Variants in RLIG1 observed in about 807,000 individuals in gnomAD.
The protein encoded by RLIG1 is RNA ligase 1.
chr12:88,039,098 G>A, the RLIG1 span, among the ~76,000 whole-genome samples: 36 of 152,218 alleles, frequency 2.4e-4, no homozygotes, highest in Admixed American at 8.5e-4. Context: ...GGGTGATGAC[G>A]TGGGTGATTC....
chr12:88,044,639 C>G, the RLIG1 span: 2 of 152,122 alleles, frequency 1.3e-5, no homozygotes, highest in African/African-American at 2.4e-5. Context: ...ATTCCTCATT[C>G]AGCTTGTGGT....
the RLIG1 span, chr12:88,045,482 A>G: frequency 4.7e-6 from 4 of 846,434 alleles, no homozygotes; most frequent in Admixed American, 2.9e-5. Flanking sequence ...ATAGACACCC[A>G]GAAAACATGA....
chr12:88,036,457 C>G, the RLIG1 span, among the ~76,000 whole-genome samples: 1 of 152,224 alleles, frequency 6.6e-6, no homozygotes, highest in Admixed American at 6.5e-5. Context: ...TGGAAATCCA[C>G]CTCACTTGAG....
the RLIG1 span, chr12:88,050,159 T>C: frequency 6.5e-6 from 3 of 464,442 alleles, no homozygotes; most frequent in Non-Finnish European, 1.1e-5. Context: ...TACTTAATCC[T>C]ATGTTGAGTC....
chr12:88,049,126 T>C, the RLIG1 span: 1 of 995,600 alleles, frequency 1.0e-6, no homozygotes, highest in Admixed American at 2.4e-5. Context: ...TATTTCCAAG[T>C]ATATTTAACT....
the RLIG1 span, among the ~76,000 whole-genome samples, chr12:88,043,258 C>T: frequency 1.3e-5 from 2 of 151,868 alleles, no homozygotes; most frequent in Non-Finnish European, 2.9e-5. Flanking sequence ...TTTTAAATAT[C>T]TGTAGTAGAT....
At chr12:88,037,670 C>T in the RLIG1 span, among the ~76,000 whole-genome samples, 3 of 152,216 alleles carry the variant, frequency 2.0e-5, no homozygotes, top group South Asian at 2.1e-4. Context: ...CCCTACTAGA[C>T]GATTATATTT....
chr12:88,048,279 T>TA, the RLIG1 span: 8 of 1,598,566 alleles, frequency 5.0e-6, no homozygotes, highest in East Asian at 1.6e-4. Flanking sequence ...TCCAGATACT[T>TA]ACATGAATTC....
the RLIG1 span, among the ~76,000 whole-genome samples, chr12:88,040,490 C>G: frequency 6.6e-6 from 1 of 152,144 alleles, no homozygotes; most frequent in Non-Finnish European, 1.5e-5. Flanking sequence ...CTTAAGGGCT[C>G]AGGCAGTATG....
the RLIG1 span, among the ~76,000 whole-genome samples, chr12:88,037,689 T>C: frequency 5.3e-5 from 8 of 152,210 alleles, no homozygotes; most frequent in African/African-American, 1.9e-4. Context: ...TTTAAAAGTA[T>C]TGAATCAGTA....
chr12:88,045,532 T>C, the RLIG1 span: 24 of 1,369,230 alleles, frequency 1.8e-5, no homozygotes, highest in South Asian at 3.1e-4. Context: ...GTAGTGTCAG[T>C]CCAAAGAAAA....
At chr12:88,036,018 C>T in the RLIG1 span, 1,019 of 1,481,370 alleles carry the variant, frequency 6.9e-4, 10 homozygotes, top group African/African-American at 0.013. Context: ...AACTCACATC[C>T]ACAGCATGTC....
At chr12:88,045,791 CTT>C in the RLIG1 span, 3 of 1,602,240 alleles carry the variant, frequency 1.9e-6, no homozygotes, top group Non-Finnish European at 2.6e-6. Context: ...TGAGTGAAGA[CTT>C]TTTCTTGTTC....
the RLIG1 span, among the ~76,000 whole-genome samples, chr12:88,039,299 A>T: frequency 6.6e-6 from 1 of 152,142 alleles, no homozygotes; most frequent in Non-Finnish European, 1.5e-5. Context: ...TTATGAACCA[A>T]GTCTTAATTA....
the RLIG1 span, chr12:88,040,059 A>G: frequency 5.4e-6 from 4 of 738,356 alleles, no homozygotes. Context: ...CTTAAAACTA[A>G]TGAAATTAAG....
the RLIG1 span, among the ~76,000 whole-genome samples, chr12:88,038,643 C>G: frequency 6.6e-6 from 1 of 152,216 alleles, no homozygotes; most frequent in East Asian, 1.9e-4. Flanking sequence ...GGTAGGAAAC[C>G]ATCGGGGTGA....
the RLIG1 span, chr12:88,042,363 C>A: frequency 6.6e-6 from 1 of 152,494 alleles, no homozygotes; most frequent in Non-Finnish European, 1.5e-5. Context: ...TCCATGAGTA[C>A]AAATCAACAT....
At chr12:88,035,537 C>CTTTAGAACTGCCCTGCAGGCCA in the RLIG1 span, 1 of 1,124,236 alleles carries the variant, frequency 8.9e-7, no homozygotes, top group Non-Finnish European at 1.3e-6. Flanking sequence ...TGGCTGGGCG[C>CTTTAGAACTGCCCTGCAGGCCA]GGAGTGTGCG....
the RLIG1 span, among the ~76,000 whole-genome samples, chr12:88,040,957 T>C: frequency 6.6e-6 from 1 of 152,184 alleles, no homozygotes; most frequent in South Asian, 2.1e-4. Flanking sequence ...GGCTAAAGCA[T>C]ACATAATATT....
Sources: allele counts gnomAD v4.1 joint callset (sites outside exome capture counted in the v4.1 genomes callset), GRCh38; gene constraint gnomAD v4.1.1; transcripts MANE v1.5; gene names NCBI Gene and HGNC (gene_info 2026-07-23, HGNC 2026-07-21).